ANO2: variants seen among roughly 807,000 people sequenced by gnomAD.
ANO2 encodes anoctamin-2.
ANO2 carries 101 observed loss-of-function variants against 124.2 expected under a neutral mutation model. The ratio of observed to expected loss-of-function variants is 0.81; its 90% CI spans 0.69 to 0.96. The LOEUF (loss-of-function observed/expected upper bound fraction) is 0.96, where lower values mean the gene tolerates loss of function less well. ANO2 is among the 40% of genes least tolerant of loss of function. The probability of loss-of-function intolerance (pLI) is 0.00; values close to 1 mark genes in which losing one functional copy is unlikely to be tolerated. For missense variants in ANO2, 1,293 were observed against 1,274.5 expected (o/e 1.01, Z -0.22); for synonymous variants, 486 against 482.5 (o/e 1.01, Z -0.09).
chr12:5,751,873 C>G (rs1951451427), intron 10 of ANO2, among the ~76,000 whole-genome samples: 1 of 151,716 alleles, frequency 6.6e-6, no homozygotes, highest in Non-Finnish European at 1.5e-5. Context: ...TGACCAATAT[C>G]TCCTCATTTT....
At chr12:5,809,006 A>T (rs999317230) in intron 7 of ANO2, among the ~76,000 whole-genome samples, 5 of 152,152 alleles carry the variant, frequency 3.3e-5, no homozygotes, top group African/African-American at 9.7e-5. Context: ...GTTGAAAGCT[A>T]AGTGTTTTGG....
chr12:5,631,384 C>T (rs1484347582), intron 16 of ANO2, among the ~76,000 whole-genome samples: 1 of 152,174 alleles, frequency 6.6e-6, no homozygotes, highest in South Asian at 2.1e-4. Flanking sequence ...CTTTCCTGAC[C>T]AACTCCCCCA....
At chr12:5,600,070 G>A (rs1360774467) in intron 19 of ANO2, among the ~76,000 whole-genome samples, 1 of 152,152 alleles carries the variant, frequency 6.6e-6, no homozygotes, top group Non-Finnish European at 1.5e-5. Context: ...TTAAAACCAA[G>A]CTAAACATTG....
intron 20 of ANO2, among the ~76,000 whole-genome samples, chr12:5,588,105 C>CG (rs72516392): frequency 0.072 from 10,368 of 143,056 alleles, 1,059 homozygotes; most frequent in African/African-American, 0.26. Flanking sequence ...ACACCAGAGG[C>CG]GGGGGGCAGC....
chr12:5,813,343 C>T (rs1022428812), intron 7 of ANO2, among the ~76,000 whole-genome samples: 5 of 152,118 alleles, frequency 3.3e-5, no homozygotes, highest in Admixed American at 1.3e-4. Flanking sequence ...ACAGTGCACC[C>T]TATCTTTATT....
intron 17 of ANO2, among the ~76,000 whole-genome samples, chr12:5,614,778 AAT>A (rs1944717161): frequency 6.6e-6 from 1 of 152,178 alleles, no homozygotes; most frequent in Non-Finnish European, 1.5e-5. Context: ...TGGTGTCTGA[AAT>A]GAGGGAAGTC....
chr12:5,836,360 A>T (rs1954317547), intron 4 of ANO2, among the ~76,000 whole-genome samples: 1 of 152,244 alleles, frequency 6.6e-6, no homozygotes, highest in Non-Finnish European at 1.5e-5. Flanking sequence ...TTTAAATGTA[A>T]TTATATCCCA....
intron 10 of ANO2, among the ~76,000 whole-genome samples, chr12:5,754,789 A>G (rs537467839): frequency 6.6e-6 from 1 of 152,110 alleles, no homozygotes; most frequent in South Asian, 2.1e-4. Context: ...CTCATCCTTC[A>G]TTTCTAATTT....
At chr12:5,861,582 C>G (rs1487807589) in intron 3 of ANO2, among the ~76,000 whole-genome samples, 1 of 152,170 alleles carries the variant, frequency 6.6e-6, no homozygotes, top group African/African-American at 2.4e-5. Context: ...ACAGCCCTGC[C>G]AAGCCACCTC....
chr12:5,712,647 A>G (rs1246006747), intron 14 of ANO2, among the ~76,000 whole-genome samples: 2 of 152,210 alleles, frequency 1.3e-5, no homozygotes, highest in Non-Finnish European at 2.9e-5. Flanking sequence ...CACTTGTTGC[A>G]GCAGCCATGG....
chr12:5,874,574 A>G (rs1408324015), intron 3 of ANO2, among the ~76,000 whole-genome samples: 1 of 152,156 alleles, frequency 6.6e-6, no homozygotes, highest in Non-Finnish European at 1.5e-5. Flanking sequence ...CTTTCTGTGC[A>G]GCTGCGAGCG....
chr12:5,646,825 C>A (rs1382909971), intron 15 of ANO2, among the ~76,000 whole-genome samples: 1 of 152,204 alleles, frequency 6.6e-6, no homozygotes, highest in African/African-American at 2.4e-5. Context: ...GTTTCCTTCA[C>A]CTTTTAAATT....
At chr12:5,856,511 G>A (rs1465708848) in intron 3 of ANO2, 1 of 152,008 alleles carries the variant, frequency 6.6e-6, no homozygotes, top group African/African-American at 2.4e-5. Context: ...TTGCAATGAG[G>A]TGTTTCCATA....
chr12:5,865,974 A>G (rs1197826838), intron 3 of ANO2, among the ~76,000 whole-genome samples: 1 of 152,186 alleles, frequency 6.6e-6, no homozygotes, highest in Non-Finnish European at 1.5e-5. Flanking sequence ...TCACTCACCA[A>G]TAGTTGCCAA....
chr12:5,891,486 G>GA (rs1939396513), intron 3 of ANO2, among the ~76,000 whole-genome samples: 1 of 152,174 alleles, frequency 6.6e-6, no homozygotes, highest in Admixed American at 6.5e-5. Flanking sequence ...CTGGCTGAAG[G>GA]ATGGCAAAGA....
At chr12:5,811,607 C>T (rs1206325585) in intron 7 of ANO2, among the ~76,000 whole-genome samples, 2 of 152,202 alleles carry the variant, frequency 1.3e-5, no homozygotes, top group Admixed American at 1.3e-4. Flanking sequence ...CAATAACTTT[C>T]ATATGAAGGA....
intron 7 of ANO2, among the ~76,000 whole-genome samples, chr12:5,814,664 C>T (rs554116591): frequency 1.3e-5 from 2 of 152,364 alleles, no homozygotes; most frequent in African/African-American, 2.4e-5. Context: ...CTGTTGGATT[C>T]ACTACTCCAT....
chr12:5,622,386 G>T (rs138525278), intron 16 of ANO2, among the ~76,000 whole-genome samples: 166 of 152,226 alleles, frequency 1.1e-3, no homozygotes, highest in African/African-American at 3.4e-3. Context: ...GTGCTTTAGG[G>T]CCATGAGCCA....
intron 20 of ANO2, among the ~76,000 whole-genome samples, chr12:5,594,578 G>A (rs1943568220): frequency 6.6e-6 from 1 of 152,178 alleles, no homozygotes; most frequent in African/African-American, 2.4e-5. Flanking sequence ...GCTCATGCCT[G>A]TAATCCCAGC....
Sources: allele counts gnomAD v4.1 joint callset (sites outside exome capture counted in the v4.1 genomes callset), GRCh38; gene constraint gnomAD v4.1.1; transcripts MANE v1.5; gene names NCBI Gene and HGNC (gene_info 2026-07-23, HGNC 2026-07-21).